The following ARHGAP39 variants were observed in gnomAD, a reference collection of about 807,000 sequenced individuals.
ARHGAP39 encodes Rho GTPase activating protein 39, also known as rho GTPase-activating protein 39.
Under a neutral mutation model 106.9 loss-of-function variants are expected in ARHGAP39, and 44 were observed. The ratio of observed to expected loss-of-function variants is 0.41; its 90% CI spans 0.32 to 0.53. The LOEUF is 0.53. Among genes scored for constraint, ARHGAP39 ranks in the 20% least tolerant of loss-of-function variants. ARHGAP39 has a pLI of 0.21. For missense variants in ARHGAP39, 1,496 were observed against 1,577.3 expected, an observed-to-expected ratio of 0.95 and a Z score of 0.87; for synonymous variants, 768 against 693.2, an observed-to-expected ratio of 1.11 and a Z score of -1.69.
At chr8:144,606,581 C>A (rs1309654577) in intron 1 of ARHGAP39, among the ~76,000 whole-genome samples, 1 of 152,028 alleles carries the variant, frequency 6.6e-6, no homozygotes, top group Non-Finnish European at 1.5e-5. Context: ...CAACAGCAGG[C>A]TGTTTGTAGT....
chr8:144,547,133 G>C lies in ARHGAP39; in HGVS notation c.1953C>G (p.Pro651=), dbSNP rs771724538. 3 of 1,595,790 alleles carry C rather than the reference G, an allele frequency of 1.9e-6. No individual in the cohort carries two copies. In the Middle Eastern group the frequency reaches 5.1e-4, roughly 270 times the overall value. ...NLASPEPYLH[P]SQSEDLAACA... is the part of the protein sequence containing the mutation. ...GCGCCCATTGGGCCCTCACCTGTGA[G>C]GGGTGGAGGTAGGGCTCTGGTGAGG... The change falls in exon 5 of 12, where the codon CCC becomes CCG. Residue 651 remains proline, a synonymous_variant. Coordinates refer to ENST00000377307, the MANE Select transcript of ARHGAP39 (RefSeq NM_025251.3). The surrounding 1 kb of genome is among the most constrained non-coding windows in gnomAD (Gnocchi z 5.2).
chr8:144,686,928 C>CACTTCCCACCCCCGT (rs1563738886), upstream of ARHGAP39, among the ~76,000 whole-genome samples: 1 of 44,588 alleles, frequency 2.2e-5, no homozygotes, highest in African/African-American at 9.6e-5. Context: ...ACACTGGCGG[C>CACTTCCCACCCCCGT]GACCATTTCC....
At chr8:144,560,022 A>G (rs1818083890) in intron 3 of ARHGAP39, among the ~76,000 whole-genome samples, 1 of 152,256 alleles carries the variant, frequency 6.6e-6, no homozygotes, top group South Asian at 2.1e-4. Context: ...CAGCACTAAT[A>G]TCTATTACAA....
the ARHGAP39 span, among the ~76,000 whole-genome samples, chr8:144,691,866 CG>C: frequency 3.3e-5 from 5 of 151,356 alleles, no homozygotes; most frequent in South Asian, 1.0e-3. Flanking sequence ...GGCGGGGTGG[CG>C]GGGAGGGGAC....
At chr8:144,599,818 G>A (rs1007357936) in intron 2 of ARHGAP39, among the ~76,000 whole-genome samples, 1 of 152,200 alleles carries the variant, frequency 6.6e-6, no homozygotes, top group Non-Finnish European at 1.5e-5. Flanking sequence ...ATGAACCCTG[G>A]CTTTTTTTAG....
At position 144,605,272 on chromosome 8, in the gene ARHGAP39, A is replaced by C. The variant is rs542743768; in HGVS notation, c.80+263T>G. ...TGAGACCCTGTCTCCTCAAGAAATA[A>C]ATCAATGAATAAATTAGAAAATCAA... On this transcript the variant is annotated intron_variant, in intron 2 of 11. Coordinates refer to ENST00000377307, the MANE Select transcript of ARHGAP39 (RefSeq NM_025251.3). Among the ~76,000 whole-genome samples, 13 of 152,284 alleles carry C rather than the reference A, an allele frequency of 8.5e-5. No individual in the cohort carries two copies. In the East Asian group the frequency reaches 2.3e-3, roughly 27 times the overall value.
intron 1 of ARHGAP39, among the ~76,000 whole-genome samples, chr8:144,621,812 C>A (rs1204643224): frequency 6.6e-6 from 1 of 151,738 alleles, no homozygotes; most frequent in East Asian, 2.1e-4. Flanking sequence ...AGGAGTGAGA[C>A]CCTGTCTCAG....
chr8:144,695,167 C>T, the ARHGAP39 span, among the ~76,000 whole-genome samples: 34 of 140,896 alleles, frequency 2.4e-4, no homozygotes, highest in Admixed American at 1.5e-3. Context: ...CTCCGCCTCC[C>T]GAGTTCACGC....
Position 144,545,209 on chromosome 8 carries a change from C to T in ARHGAP39, c.2521+40G>A, listed in dbSNP as rs1429529482. ...GCACAGCAGGAGCCCTCTCCACTGC[C>T]CTTACCTGAGCTGGTGGCAAAGCCC... On this transcript the variant is annotated intron_variant, in intron 6 of 11. Coordinates refer to ENST00000377307, the MANE Select transcript of ARHGAP39 (RefSeq NM_025251.3). The T allele has an allele frequency of 4.1e-6, 6 of 1,473,900 alleles. 1 individual carries two copies. The highest frequency in any genetic ancestry group is 4.5e-6 in the Non-Finnish European group (5 of 1,105,128). The allele number at this position is 1,473,900 out of a possible 1,614,324, so 91.3% of individuals were successfully genotyped here.
intron 1 of ARHGAP39, among the ~76,000 whole-genome samples, chr8:144,659,350 G>A (rs927800756): frequency 3.9e-5 from 6 of 152,200 alleles, no homozygotes; most frequent in African/African-American, 1.4e-4. Context: ...CTGCTCATTT[G>A]AAGAATGCTT....
intron 1 of ARHGAP39, among the ~76,000 whole-genome samples, chr8:144,672,477 T>C (rs942857029): frequency 1.3e-5 from 2 of 152,144 alleles, no homozygotes; most frequent in Non-Finnish European, 2.9e-5. Context: ...GAAAGGAGCA[T>C]GGCAAGAAAG....
intron 1 of ARHGAP39, among the ~76,000 whole-genome samples, chr8:144,662,811 TC>T (rs375036396): frequency 2.9e-5 from 2 of 69,960 alleles, no homozygotes; most frequent in East Asian, 8.0e-4. Flanking sequence ...CTTGGGCCAC[TC>T]CCCCCATCCC....
intron 4 of ARHGAP39, 42 bp downstream of exon 4, chr8:144,555,518 G>A (rs752410011): frequency 7.1e-5 from 110 of 1,550,544 alleles, no homozygotes; most frequent in South Asian, 1.2e-4. Context: ...TGAGGAAGCC[G>A]CCCTCCATCA....
At chr8:144,566,127 A>T (rs968211946) in intron 3 of ARHGAP39, among the ~76,000 whole-genome samples, 2 of 152,034 alleles carry the variant, frequency 1.3e-5, no homozygotes, top group Admixed American at 1.3e-4. Flanking sequence ...GGGAGAAAAA[A>T]TGACTGAAAA....
chr8:144,574,722 G>A (rs879805826), intron 3 of ARHGAP39, among the ~76,000 whole-genome samples: 1 of 152,200 alleles, frequency 6.6e-6, no homozygotes, highest in Non-Finnish European at 1.5e-5. Context: ...AGTTTGGTGT[G>A]GTGGTGTACA....
chr8:144,609,639 T>C (rs530777639), intron 1 of ARHGAP39, among the ~76,000 whole-genome samples: 3 of 152,258 alleles, frequency 2.0e-5, no homozygotes, highest in African/African-American at 7.2e-5. Context: ...CCTGGCCTCA[T>C]GATCCACCGC....
chr8:144,605,404 C>G, intron 2 of ARHGAP39, 131 bp downstream of exon 2: 1 of 990,174 alleles, frequency 1.0e-6, no homozygotes, highest in Non-Finnish European at 1.5e-6. Context: ...CCATCCAGGC[C>G]TTGGGAACAG....
At position 144,645,995 on chromosome 8, in the gene ARHGAP39, C is replaced by T. The variant is rs781555915; in HGVS notation, c.-82+39691G>A. On this transcript the variant is annotated intron_variant, in intron 1 of 11. Coordinates refer to ENST00000377307, the MANE Select transcript of ARHGAP39 (RefSeq NM_025251.3). This position sits in a 1 kb window ranked among gnomAD's most constrained non-coding sequence, Gnocchi z 4.4. The stretch of plus-strand genomic sequence containing the variant: ...CAGATGGCCCAGCTGGCTCTGTGGC[C>T]GAGGCAGGATAGCTAGAGAAGGTAA... Among the ~76,000 whole-genome samples, 11 of 152,154 alleles carry T rather than the reference C, an allele frequency of 7.2e-5. No homozygotes were observed. The highest frequency in any genetic ancestry group is 1.2e-4 in the African/African-American group (5 of 41,426).
Position 144,585,586 on chromosome 8 carries a change from G to C in ARHGAP39, c.81-4309C>G, listed in dbSNP as rs968864666. ...AAAGTGTCAATGACTCCCATCGTTA[G>C]AAACACAGGGACACCAACATGGTGC... On this transcript the variant is annotated intron_variant, in intron 2 of 11. Transcript: ENST00000377307. The surrounding 1 kb of genome is among the most constrained non-coding windows in gnomAD (Gnocchi z 4.6). Among the ~76,000 whole-genome samples, 1 of 152,152 alleles carries C rather than the reference G, an allele frequency of 6.6e-6. No homozygotes were observed. Among genetic ancestry groups the C allele is most frequent in the Non-Finnish European group, 1.5e-5 (1 of 68,030 alleles).
Sources: gnomAD v4.1 joint callset for allele counts (sites outside exome capture counted in the v4.1 genomes callset) on GRCh38, gnomAD v4.1.1 for gene constraint, Gnocchi (gnomAD v3.1) non-coding constraint, MANE v1.5 for transcripts, NCBI Gene and HGNC (gene_info 2026-07-23, HGNC 2026-07-21) for gene names.